Variants in RBFOX3 observed in about 807,000 individuals in gnomAD.
RBFOX3 encodes RNA binding fox-1 homolog 3, also known as RNA binding protein fox-1 homolog 3.
In RBFOX3, 17 loss-of-function variants were observed where a neutral mutation model predicts 48.7. The ratio of observed to expected loss-of-function variants is 0.35; its 90% CI spans 0.24 to 0.52. The LOEUF (loss-of-function observed/expected upper bound fraction) is 0.52, where lower values mean the gene tolerates loss of function less well. Ranked by LOEUF, RBFOX3 falls within the 20% of genes least tolerant of loss-of-function variation. The probability of loss-of-function intolerance (pLI) is 0.94; values close to 1 mark genes in which losing one functional copy is unlikely to be tolerated. For missense variants in RBFOX3, 382 were observed against 497.5 expected (o/e 0.77, Z 2.21); for synonymous variants, 212 against 209.5 (o/e 1.01, Z -0.10).
intron 1 of RBFOX3, among the ~76,000 whole-genome samples, chr17:79,502,089 C>T (rs1039764251): frequency 6.6e-6 from 1 of 152,146 alleles, no homozygotes; most frequent in East Asian, 1.9e-4. Context: ...CCCACTGAGC[C>T]TTGATATAAG....
At chr17:79,433,526 T>C (rs1370235631) in intron 2 of RBFOX3, among the ~76,000 whole-genome samples, 1 of 152,236 alleles carries the variant, frequency 6.6e-6, no homozygotes, top group Non-Finnish European at 1.5e-5. Context: ...GCTCCGAATG[T>C]ACTTATGCAG....
rs1053341102 is a variant in RBFOX3, at chr17:79,522,237, C to G, written c.-319-39639G>C. Among the ~76,000 whole-genome samples the G allele has an allele frequency of 3.3e-3, 508 of 152,276 alleles. 7 individuals are homozygous for G. Among genetic ancestry groups the G allele is most frequent in the African/African-American group, 0.012 (489 of 41,552 alleles). On this transcript the variant is annotated intron_variant, in intron 1 of 14. Transcript: ENST00000693108. ...TGGTGCTGTTTTTCTGGAATGTTCC[C>G]TGCCATTATTTTTCTAGAAATTGCT... is the stretch of plus-strand genomic sequence containing the variant.
chr17:79,249,479 G>A lies in RBFOX3; in HGVS notation c.-73-13674C>T, dbSNP rs909516577. Among the ~76,000 whole-genome samples the A allele has an allele frequency of 1.6e-4, 24 of 152,094 alleles. No individual in the cohort carries two copies. The South Asian group carries it at 4.6e-3, about 29-fold the overall frequency. On this transcript the variant is annotated intron_variant, in intron 3 of 14. Transcript: ENST00000693108. The surrounding 1 kb of genome is among the most constrained non-coding windows in gnomAD (Gnocchi z 4.1). The stretch of plus-strand genomic sequence containing the variant: ...CAGATTCCGAGAGGCAGCAAACAAC[G>A]GGCTTGGGGTGTGCTTTTTCACCTG...
intron 1 of RBFOX3, among the ~76,000 whole-genome samples, chr17:79,563,097 G>A (rs1266774888): frequency 3.3e-5 from 5 of 152,170 alleles, no homozygotes; most frequent in Admixed American, 3.3e-4. Context: ...TTGTCCTGAA[G>A]TTCCCTTTAG....
chr17:79,546,308 G>T (rs1902349078), intron 1 of RBFOX3, among the ~76,000 whole-genome samples: 1 of 152,154 alleles, frequency 6.6e-6, no homozygotes, highest in Admixed American at 6.5e-5. Flanking sequence ...GGTTTATGGA[G>T]CACCAGCCAA....
chr17:79,266,315 G>A (rs1030507610), intron 3 of RBFOX3, among the ~76,000 whole-genome samples: 3 of 152,128 alleles, frequency 2.0e-5, no homozygotes, highest in Non-Finnish European at 2.9e-5. Flanking sequence ...CCTCATCCTC[G>A]TGGTCCAGGC....
Position 79,375,801 on chromosome 17 carries a change from G to A in RBFOX3, c.-174-67977C>T, listed in dbSNP as rs978105989. Among the ~76,000 whole-genome samples, 8 of 152,214 alleles carry A rather than the reference G, an allele frequency of 5.3e-5. No homozygotes were observed. The East Asian group carries it at 1.2e-3, about 22-fold the overall frequency. ...GCAGGACACGGCCCCTCACCGTCAG[G>A]TCCATGACAAGGTGAGCCTGCCTGC... On this transcript the variant is annotated intron_variant, in intron 2 of 14. Transcript: ENST00000693108.
At chr17:79,451,667 G>C (rs1877678) in intron 2 of RBFOX3, among the ~76,000 whole-genome samples, 119,276 of 152,184 alleles carry the variant, frequency 0.78, 47,342 homozygotes, top group Non-Finnish European at 0.86. Context: ...TGAGGAGGCA[G>C]CCCAGGCTCA....
intron 4 of RBFOX3, among the ~76,000 whole-genome samples, chr17:79,131,302 T>C (rs573620435): frequency 3.3e-5 from 5 of 152,182 alleles, no homozygotes; most frequent in African/African-American, 1.2e-4. Context: ...CCATGTGCCC[T>C]CCGTGTGCTG....
intron 2 of RBFOX3, among the ~76,000 whole-genome samples, chr17:79,400,643 T>C (rs991650712): frequency 6.6e-6 from 1 of 152,096 alleles, no homozygotes; most frequent in Non-Finnish European, 1.5e-5. Flanking sequence ...TAACCACAGT[T>C]TTAAGAATGC....
At chr17:79,642,729 A>G in the RBFOX3 span, among the ~76,000 whole-genome samples, 1 of 152,216 alleles carries the variant, frequency 6.6e-6, no homozygotes, top group Admixed American at 6.5e-5. Flanking sequence ...GAAGGCCGAG[A>G]AGGAGGTACA....
At chr17:79,156,944 G>A (rs1243925882) in intron 4 of RBFOX3, among the ~76,000 whole-genome samples, 2 of 152,170 alleles carry the variant, frequency 1.3e-5, no homozygotes, top group Non-Finnish European at 2.9e-5. Flanking sequence ...GTGGTGGCTG[G>A]GTGAGAATGA....
chr17:79,267,901 G>T (rs1038770691), intron 3 of RBFOX3, among the ~76,000 whole-genome samples: 1 of 152,274 alleles, frequency 6.6e-6, no homozygotes, highest in African/African-American at 2.4e-5. Flanking sequence ...ACGGGAAGGA[G>T]GTGTCTCTCC....
rs560109583 is a variant in RBFOX3 at position 79,254,046 on chromosome 17, C to A, written c.-73-18241G>T. ...GTATGGGAGGGAGCCTTCTCCCCAG[C>A]TGGTGGCAGGACTTCTGAGTCCTCC... is the stretch of plus-strand genomic sequence containing the variant. On this transcript the variant is annotated intron_variant, in intron 3 of 14. Coordinates refer to ENST00000693108, the MANE Select transcript of RBFOX3 (RefSeq NM_001350451.2). The surrounding 1 kb of genome is among the most constrained non-coding windows in gnomAD (Gnocchi z 4.8). 4.6e-5 allele frequency among the ~76,000 whole-genome samples: 7 copies of A among 152,340 alleles called. No individual in the cohort carries two copies. The South Asian group carries it at 1.5e-3, about 32-fold the overall frequency.
At chr17:79,332,572 G>A (rs1271672042) in intron 2 of RBFOX3, among the ~76,000 whole-genome samples, 1 of 122,198 alleles carries the variant, frequency 8.2e-6, no homozygotes, top group Non-Finnish European at 1.8e-5. Context: ...GGCGTGGGGA[G>A]ACAGAAACAT....
intron 4 of RBFOX3, among the ~76,000 whole-genome samples, chr17:79,145,414 G>T (rs1416738617): frequency 1.3e-5 from 2 of 152,208 alleles, no homozygotes; most frequent in Non-Finnish European, 2.9e-5. Context: ...CCCTGGAGAG[G>T]GTCTGAGGCC....
intron 3 of RBFOX3, among the ~76,000 whole-genome samples, chr17:79,292,615 CAT>C (rs1302624952): frequency 2.3e-3 from 156 of 67,688 alleles, no homozygotes; most frequent in African/African-American, 9.2e-3. Flanking sequence ...CACACACACA[CAT>C]ACATGCAGAC....
At chr17:79,543,074 A>G (rs1264536746) in intron 1 of RBFOX3, among the ~76,000 whole-genome samples, 1 of 152,096 alleles carries the variant, frequency 6.6e-6, no homozygotes, top group Non-Finnish European at 1.5e-5. Context: ...CCACAACCCC[A>G]AGCCTAAAAG....
intron 1 of RBFOX3, among the ~76,000 whole-genome samples, chr17:79,508,386 G>C (rs1471701018): frequency 1.3e-5 from 2 of 152,168 alleles, no homozygotes; most frequent in African/African-American, 4.8e-5. Context: ...CGCCAGCCCA[G>C]CCCGACCTCC....
Sources: gnomAD v4.1 joint callset for allele counts (sites outside exome capture counted in the v4.1 genomes callset) on GRCh38, gnomAD v4.1.1 for gene constraint, Gnocchi (gnomAD v3.1) non-coding constraint, MANE v1.5 for transcripts, NCBI Gene and HGNC (gene_info 2026-07-23, HGNC 2026-07-21) for gene names.